Variants in SLC1A5 observed in about 807,000 individuals in gnomAD.
SLC1A5 encodes the protein neutral amino acid transporter B(0).
In SLC1A5, 25 loss-of-function variants were observed where a neutral mutation model predicts 34.9. That is an observed-to-expected ratio of 0.72 (90% CI 0.52 to 1.00). The LOEUF is 1.00. SLC1A5 is among the 50% of genes least tolerant of loss of function. The pLI, the probability that SLC1A5 is intolerant of heterozygous loss-of-function variation, is 0.00. For synonymous variants in SLC1A5, 351 were observed against 341.2 expected (o/e 1.03, Z -0.32); for missense variants, 637 against 740.0 (o/e 0.86, Z 1.61).
At chr19:46,783,019 G>A (rs191160715) in intron 3 of SLC1A5, among the ~76,000 whole-genome samples, 38 of 152,306 alleles carry the variant, frequency 2.5e-4, no homozygotes, top group African/African-American at 8.4e-4. Context: ...ACTAGTTAAG[G>A]ATGGGCAGCC....
At chr19:46,784,039 A>C (rs562248066) in intron 3 of SLC1A5, 58 bp downstream of exon 3, 2 of 1,434,376 alleles carry the variant, frequency 1.4e-6, no homozygotes, top group East Asian at 4.6e-5. Context: ...AAATAAAACC[A>C]AAAAATTATA....
chr19:46,787,327 C>T lies in SLC1A5; in HGVS notation c.566+73G>A, dbSNP rs561111911. ...GTCTCTGCTCCAGGGGCCCCAAAGC[C>T]CCGTCCTGTCCACGTGACCACTCCC... On this transcript the variant is annotated intron_variant, in intron 1 of 7. Coordinates refer to ENST00000542575, the MANE Select transcript of SLC1A5 (RefSeq NM_005628.3). The surrounding 1 kb of genome is among the most constrained non-coding windows in gnomAD (Gnocchi z 5.2). The T allele has an allele frequency of 1.1e-5, 17 of 1,541,368 alleles. No homozygotes were observed. In the South Asian group the frequency reaches 2.0e-4, roughly 19 times the overall value.
intron 3 of SLC1A5, among the ~76,000 whole-genome samples, chr19:46,783,338 C>G (rs537118062): frequency 3.3e-5 from 5 of 152,014 alleles, no homozygotes; most frequent in African/African-American, 1.2e-4. Flanking sequence ...TGGCACATGC[C>G]TGTAATCCCA....
Position 46,777,055 on chromosome 19 carries a change from G to A in SLC1A5, c.1308C>T (p.Val436=). The A allele has an allele frequency of 2.5e-6, 4 of 1,614,032 alleles. No individual in the cohort carries two copies. The highest frequency in any genetic ancestry group is 2.5e-6 in the Non-Finnish European group (3 of 1,180,018). Residue 436 remains valine (V), a synonymous_variant, in exon 7 of 8, where the codon GTC becomes GTT. Transcript: ENST00000542575. ...VGAAGIPAGG[V]LTLAIILEAV... is the part of the protein sequence containing the mutation. ...CTTCGAGGATGATGGCCAGAGTGAG[G>A]ACACCTCCAGCAGGGATGCCCGCTG...
At chr19:46,783,804 A>C (rs1024181519) in intron 3 of SLC1A5, among the ~76,000 whole-genome samples, 1 of 151,594 alleles carries the variant, frequency 6.6e-6, no homozygotes, top group African/African-American at 2.4e-5. Flanking sequence ...CAACAACAAA[A>C]ACCTCTGGCT....
intron 4 of SLC1A5, among the ~76,000 whole-genome samples, chr19:46,779,922 G>A (rs893239229): frequency 4.0e-5 from 6 of 151,320 alleles, no homozygotes; most frequent in East Asian, 1.9e-4. Flanking sequence ...GCATGATCTC[G>A]GCTCACTGCA....
rs761800388 is a variant in SLC1A5 at position 46,777,088 on chromosome 19, G to A, written c.1275C>T (p.Ser425=). 2.6e-5 allele frequency: 42 copies of A among 1,613,768 alleles called. No individual in the cohort carries two copies. The East Asian group carries it at 8.7e-4, about 33-fold the overall frequency. The change falls in exon 7 of 8, where the codon AGC becomes AGT. Residue 425 remains serine (S), a synonymous_variant. Transcript: ENST00000542575. The part of the protein sequence containing the change: ...ITILVTATAS[S]VGAAGIPAGG... ...CAGCAGGGATGCCCGCTGCCCCCAC[G>A]CTGGACGCTGTGGCCGTGACCCTGA...
intron 4 of SLC1A5, 109 bp from the exon 5 acceptor site, chr19:46,779,017 A>G: frequency 1.3e-6 from 1 of 749,104 alleles, no homozygotes; most frequent in Non-Finnish European, 2.1e-6. Flanking sequence ...GGTCAGGAGA[A>G]GCCCCAGCAA....
rs1321082174 is a variant in SLC1A5 at position 46,778,792 on chromosome 19, G to C, written c.941C>G (p.Ala314Gly). ...KYILCCLLGH[A>G]IHGLLVLPLI... The stretch of plus-strand genomic sequence containing the variant: ...GGGCAGTACCAGGAGCCCATGGATG[G>C]CGTGACCCAGCAGGCAGCACAGAAT... The change falls in exon 5 of 8, where the codon GCC becomes GGC. Residue 314 changes from alanine (A) to glycine (G), a missense_variant. Ala to Gly is a moderately conservative substitution (Grantham distance 60, BLOSUM62 0). Coordinates refer to ENST00000542575, the MANE Select transcript of SLC1A5 (RefSeq NM_005628.3). The C allele has an allele frequency of 6.2e-7, 1 of 1,613,732 alleles. No homozygotes were observed. Among genetic ancestry groups the C allele is most frequent in the African/African-American group, 1.3e-5 (1 of 74,928 alleles).
intron 7 of SLC1A5, 81 bp from the exon 8 acceptor site, chr19:46,775,828 T>C (rs965516380): frequency 6.4e-6 from 9 of 1,408,216 alleles, no homozygotes; most frequent in African/African-American, 4.3e-5. Context: ...CTAAGCCTCC[T>C]GCCTCTCTCC....
At chr19:46,778,435 A>G (rs1461938757) in intron 5 of SLC1A5, among the ~76,000 whole-genome samples, 2 of 152,194 alleles carry the variant, frequency 1.3e-5, no homozygotes, top group African/African-American at 2.4e-5. Flanking sequence ...TGTTTAAAAC[A>G]AAAGAAAAAA....
intron 5 of SLC1A5, among the ~76,000 whole-genome samples, chr19:46,778,024 A>G (rs528812013): frequency 6.6e-6 from 1 of 152,190 alleles, no homozygotes; most frequent in East Asian, 1.9e-4. Context: ...GACTCTCACC[A>G]ATAATACACT....
chr19:46,782,374 A>AACC lies in SLC1A5; in HGVS notation c.824+8_824+9insGGT. 4.2e-6 allele frequency: 1 copy of AACC among 240,342 alleles called. No individual in the cohort carries two copies. Among genetic ancestry groups the AACC allele is most frequent in the Non-Finnish European group, 7.0e-6 (1 of 143,364 alleles). The allele number at this position is 240,342 out of a possible 1,614,324, so 14.9% of individuals were successfully genotyped here. On this transcript the variant is annotated intron_variant, in intron 4 of 7. Coordinates refer to ENST00000542575, the MANE Select transcript of SLC1A5 (RefSeq NM_005628.3). ...CCACCCACCCCCAGCCTCCTCTCCCACCACCTACCACATGATCCAGGAGAC... is the reference window on the plus strand; with the variant it reads ...CCACCCACCCCCAGCCTCCTCTCCCAACCCCACCTACCACATGATCCAGGAGAC...
Position 46,778,932 on chromosome 19 carries a change from CT to C in SLC1A5, c.825-25del, listed in dbSNP as rs775489174. 8 of 1,504,720 alleles carry C rather than the reference CT, an allele frequency of 5.3e-6. No individual in the cohort carries two copies. In the Middle Eastern group the frequency reaches 5.3e-4, roughly 100 times the overall value. 93.2% of individuals were successfully genotyped at this position (1,504,720 alleles called of 1,614,324 possible). ...ACCTGATCAGTAACACAGGAGACAG[CT>C]TGTTGCCTCTTCCACGGGCCCAGTG... On this transcript the variant is annotated intron_variant, in intron 4 of 7. Transcript: ENST00000542575.
rs775959183 is a variant in SLC1A5 at position 46,775,621 on chromosome 19, C to A, written c.1515G>T (p.Leu505=). 20 of 1,614,018 alleles carry A rather than the reference C, an allele frequency of 1.2e-5. No homozygotes were observed. The highest frequency in any genetic ancestry group is 1.5e-5 in the Non-Finnish European group (18 of 1,180,028). Residue 505 remains leucine, a synonymous_variant, in exon 8 of 8, where the codon CTG becomes CTT. Transcript: ENST00000542575. ...EPELIQVKSE[L]PLDPLPVPTE... ...TGGGGACTGGCAGCGGATCCAGGGG[C>A]AGCTCACTCTTCACTTGTATCAACT...
chr19:46,778,935 G>T lies in SLC1A5; in HGVS notation c.825-27C>A, dbSNP rs553191212. The T allele has an allele frequency of 2.0e-6, 3 of 1,504,770 alleles. No homozygotes were observed. The African/African-American group carries it at 4.2e-5, about 21-fold the overall frequency. 93.2% of individuals were successfully genotyped at this position (1,504,770 alleles called of 1,614,324 possible). On this transcript the variant is annotated intron_variant, in intron 4 of 7. Transcript: ENST00000542575. ...TGATCAGTAACACAGGAGACAGCTT[G>T]TTGCCTCTTCCACGGGCCCAGTGGC...
chr19:46,782,360 C>CCCCCACACA, intron 4 of SLC1A5, 23 bp downstream of exon 4: 3 of 1,332,700 alleles, frequency 2.3e-6, no homozygotes, highest in African/African-American at 1.5e-5. Context: ...CACCCACCCC[C>CCCCCACACA]AGCCTCCTCT....
In SLC1A5 at chr19:46,788,472, G is replaced by A. The variant is rs1466734159; in HGVS notation, c.-507C>T. The A allele has an allele frequency of 6.5e-6, 1 of 154,224 alleles. No homozygotes were observed. Among genetic ancestry groups the A allele is most frequent in the African/African-American group, 2.4e-5 (1 of 41,506 alleles). The allele number at this position is 154,224 out of a possible 1,614,324, so 9.6% of individuals were successfully genotyped here. ...GGGAAGCGGACCTCCGGAAACAGGG[G>A]ACCCAGGCTCTTAGGTCCGGGAGGG... On this transcript the variant is annotated 5_prime_UTR_variant, in exon 1 of 8. Transcript: ENST00000542575.
chr19:46,784,571 G>A lies in SLC1A5; in HGVS notation c.567-12C>T, dbSNP rs2055172296. The A allele has an allele frequency of 6.2e-7, 1 of 1,614,122 alleles. No homozygotes were observed. The highest frequency in any genetic ancestry group is 8.5e-7 in the Non-Finnish European group (1 of 1,180,046). On this transcript the variant is annotated splice_polypyrimidine_tract_variant and intron_variant, in intron 1 of 7. Transcript: ENST00000542575. ...AAGGGAAGATATTTCTGCAGAGACAGACACACAGAGGGTTATTAGATACCA... is the reference window on the plus strand; with the variant it reads ...AAGGGAAGATATTTCTGCAGAGACAAACACACAGAGGGTTATTAGATACCA...
Sources: gnomAD v4.1 joint callset for allele counts (sites outside exome capture counted in the v4.1 genomes callset) on GRCh38, gnomAD v4.1.1 for gene constraint, Gnocchi (gnomAD v3.1) non-coding constraint, MANE v1.5 for transcripts, NCBI Gene and HGNC (gene_info 2026-07-23, HGNC 2026-07-21) for gene names.